The following WDR35 variants were observed in gnomAD, a reference collection of about 807,000 sequenced individuals.
WDR35 encodes the protein WD repeat domain 35, also known as WD repeat-containing protein 35.
WDR35 carries 118 observed loss-of-function variants against 158.3 expected under a neutral mutation model. The observed-to-expected ratio is 0.75, with a 90% CI of 0.64 to 0.87. The LOEUF (loss-of-function observed/expected upper bound fraction) is 0.87, where lower values mean the gene tolerates loss of function less well. Ranked by LOEUF, WDR35 falls within the 40% of genes least tolerant of loss-of-function variation. WDR35 has a pLI of 0.00. For synonymous variants in WDR35, 448 were observed against 476.1 expected (o/e 0.94, Z 0.77); for missense variants, 1,263 against 1,405.8 (o/e 0.90, Z 1.62).
chr2:19,937,798 C>G lies in WDR35; in HGVS notation c.2212G>C (p.Gly738Arg). 2.5e-6 allele frequency: 4 copies of G among 1,614,154 alleles called. 1 individual carries two copies. The South Asian group carries it at 4.4e-5, about 18-fold the overall frequency. Reference sequence around the variant, plus strand: ...GCCTCTTCAAACCTGCCGAAGTAGCCAACAACTTCAGCCTGTTTCATTGAC... The same window carrying G: ...GCCTCTTCAAACCTGCCGAAGTAGCGAACAACTTCAGCCTGTTTCATTGAC... ...SESMKQAEVV[G>R]YFGRFEEAER... The change falls in exon 19 of 27, where the codon GGC (glycine) becomes CGC (arginine). Residue 738 changes from glycine (G) to arginine (R), a missense_variant. Physicochemically the swap from Gly to Arg is moderately radical, Grantham distance 125 (BLOSUM62 -2). Transcript: ENST00000281405.
At position 19,939,171 on chromosome 2, in the gene WDR35, T is replaced by C. The variant is rs143802984; in HGVS notation, c.1927-770A>G. Among the ~76,000 whole-genome samples the C allele has an allele frequency of 3.4e-3, 516 of 152,198 alleles. 1 individual carries two copies. The highest frequency in any genetic ancestry group is 6.0e-3 in the Non-Finnish European group (406 of 67,998). On this transcript the variant is annotated intron_variant, in intron 17 of 26. Coordinates refer to ENST00000281405, the MANE Select transcript of WDR35 (RefSeq NM_020779.4). The stretch of plus-strand genomic sequence containing the variant: ...CAGCCAACTAAAAGATTAATCAAAA[T>C]TAAGAACTTACGTAAGGAGAAAATG...
At chr2:19,936,084 A>G (rs1275192436) in intron 20 of WDR35, 135 bp downstream of exon 20, 1 of 1,396,126 alleles carries the variant, frequency 7.2e-7, no homozygotes, top group African/African-American at 1.4e-5. Flanking sequence ...GCTTTCCAAG[A>G]TGAATCTAGA....
chr2:19,913,998 A>G lies in WDR35; in HGVS notation c.3362+39T>C, dbSNP rs199885540. On this transcript the variant is annotated intron_variant, in intron 26 of 26. Coordinates refer to ENST00000281405, the MANE Select transcript of WDR35 (RefSeq NM_020779.4). The stretch of plus-strand genomic sequence containing the variant: ...GTACATCTAGAAATCCAAGCTTCTA[A>G]TAAGATAGAATGGCATCCACTAATT... 15 of 1,612,054 alleles carry G rather than the reference A, an allele frequency of 9.3e-6. No individual in the cohort carries two copies. The East Asian group carries it at 3.1e-4, about 34-fold the overall frequency.
chr2:19,979,299 T>C (rs752997976), intron 4 of WDR35, among the ~76,000 whole-genome samples: 1 of 152,156 alleles, frequency 6.6e-6, no homozygotes, highest in Non-Finnish European at 1.5e-5. Context: ...ACTTTATACA[T>C]ATGCACATAA....
rs186800386 is a variant in WDR35 at position 19,950,997 on chromosome 2, G to C, written c.1470+418C>G. Among the ~76,000 whole-genome samples, 154 of 152,244 alleles carry C rather than the reference G, an allele frequency of 1.0e-3. 1 individual carries two copies. The South Asian group carries it at 0.011, about 11-fold the overall frequency. ...TTTACTGAAATAGCAAATTATATTA[G>C]TTTGTAAACAGAAGCATATTTTCAT... On this transcript the variant is annotated intron_variant, in intron 13 of 26. Coordinates refer to ENST00000281405, the MANE Select transcript of WDR35 (RefSeq NM_020779.4).
chr2:19,949,099 A>G (rs1360975124), intron 13 of WDR35, among the ~76,000 whole-genome samples: 2 of 152,214 alleles, frequency 1.3e-5, no homozygotes. Flanking sequence ...ACACTTACAT[A>G]AGATGACACC....
chr2:19,938,127 G>A (rs1359461385), intron 18 of WDR35, 138 bp downstream of exon 18: 2 of 1,426,284 alleles, frequency 1.4e-6, no homozygotes, highest in African/African-American at 2.9e-5. Flanking sequence ...AAATCTAAAT[G>A]AATTTCTACA....
Position 19,938,290 on chromosome 2 carries a change from C to T in WDR35, c.2038G>A (p.Glu680Lys). 6 of 1,614,000 alleles carry T rather than the reference C, an allele frequency of 3.7e-6. No individual in the cohort carries two copies. The highest frequency in any genetic ancestry group is 5.1e-6 in the Non-Finnish European group (6 of 1,179,996). ...VGIKDASQFIEDNPHPRLWRL... is the reference protein window; with the variant it reads ...VGIKDASQFIKDNPHPRLWRL... ...CAAAGTCGGGGGTGTGGATTGTCCT[C>T]TATGAACTGAGATGCATCTTTAATT... Residue 680 changes from glutamate (E) to lysine (K), a missense_variant, in exon 18 of 27, where the codon GAG becomes AAG. Glu to Lys is a moderately conservative substitution (Grantham distance 56, BLOSUM62 1). Coordinates refer to ENST00000281405, the MANE Select transcript of WDR35 (RefSeq NM_020779.4).
intron 11 of WDR35, among the ~76,000 whole-genome samples, chr2:19,956,772 C>T (rs1671453689): frequency 6.6e-6 from 1 of 151,868 alleles, no homozygotes; most frequent in African/African-American, 2.4e-5. Context: ...AGGCGCGCGC[C>T]ACCATGCCCG....
rs2103399882 is a variant in WDR35, at chr2:19,933,484, C to G, written c.2575G>C (p.Gly859Arg). ...GCAGTCACTGCTTGTTCACACATTC[C>G]AACTCTGACAAACATTTGTGCTATT... ...PEIAQMFVRV[G>R]MCEQAVTAFL... is the part of the protein sequence containing the mutation. Residue 859 changes from glycine to arginine, a missense_variant, in exon 22 of 27, where the codon GGA becomes CGA. Gly to Arg is a moderately radical substitution (Grantham distance 125). Transcript: ENST00000281405. The G allele has an allele frequency of 1.2e-6, 2 of 1,613,778 alleles. No homozygotes were observed. The highest frequency in any genetic ancestry group is 1.7e-6 in the Non-Finnish European group (2 of 1,179,930).
At position 19,946,504 on chromosome 2, in the gene WDR35, G is replaced by C. The variant is rs148242353; in HGVS notation, c.1591C>G (p.Leu531Val). The stretch of plus-strand genomic sequence containing the variant: ...GATAACTGGTAGGCTCGACAATTAA[G>C]GGAATATTTTTGAATCAAACCAACA... ...PNVGLIQKYS[L>V]NCRAYQLSLN... Residue 531 changes from leucine (L) to valine (V), a missense_variant, in exon 15 of 27, where the codon CTT (leucine) becomes GTT (valine). Physicochemically the swap from Leu to Val is conservative, Grantham distance 32 (BLOSUM62 1). Transcript: ENST00000281405. 612 of 1,613,652 alleles carry C rather than the reference G, an allele frequency of 3.8e-4. 1 individual carries two copies. The African/African-American group carries it at 7.0e-3, about 18-fold the overall frequency.
At chr2:19,970,381 A>G (rs1011506088) in intron 8 of WDR35, among the ~76,000 whole-genome samples, 3 of 151,816 alleles carry the variant, frequency 2.0e-5, no homozygotes, top group Admixed American at 6.6e-5. Context: ...ACTCCTTTCC[A>G]CTCTCTACAA....
intron 8 of WDR35, among the ~76,000 whole-genome samples, chr2:19,971,019 A>G (rs1369998381): frequency 3.9e-5 from 6 of 151,946 alleles, no homozygotes; most frequent in African/African-American, 1.5e-4. Flanking sequence ...CAATAAATAT[A>G]CATTCAAATT....
chr2:19,930,263 C>T lies in WDR35; in HGVS notation c.3121+133G>A, dbSNP rs559472901. On this transcript the variant is annotated intron_variant, in intron 25 of 26. Transcript: ENST00000281405. ...ACTTCAAAAATGGGAATGCATAAGA[C>T]TCAAACATAGGAAAATAAATCCATA... is the stretch of plus-strand genomic sequence containing the variant. 1,260 of 1,372,268 alleles carry T rather than the reference C, an allele frequency of 9.2e-4. 13 individuals are homozygous for T. Among genetic ancestry groups the T allele is most frequent in the Non-Finnish European group, 1.7e-4 (169 of 979,126 alleles). The allele number at this position is 1,372,268 out of a possible 1,614,324, so 85.0% of individuals were successfully genotyped here.
At chr2:19,938,452 T>C in intron 17 of WDR35, 51 bp from the exon 18 acceptor site, 3 of 1,593,714 alleles carry the variant, frequency 1.9e-6, no homozygotes, top group Non-Finnish European at 2.6e-6. Flanking sequence ...CGTTAGAGTA[T>C]GTGTTTCTTT....
intron 19 of WDR35, 28 bp from the exon 20 acceptor site, chr2:19,936,393 T>G: frequency 6.2e-7 from 1 of 1,613,652 alleles, no homozygotes; most frequent in Non-Finnish European, 8.5e-7. Flanking sequence ...CATTCATTCA[T>G]TCATCTATTT....
At chr2:19,964,540 C>G (rs1985054) in intron 10 of WDR35, among the ~76,000 whole-genome samples, 2 of 151,594 alleles carry the variant, frequency 1.3e-5, no homozygotes, top group African/African-American at 4.8e-5. Context: ...CACGCTGCCA[C>G]GCCCGGCTAA....
chr2:19,942,296 T>C (rs1055967726), intron 16 of WDR35, among the ~76,000 whole-genome samples: 1 of 152,182 alleles, frequency 6.6e-6, no homozygotes, highest in African/African-American at 2.4e-5. Context: ...ACTATATTTG[T>C]ATGTAAGCCC....
rs114983462 is a variant in WDR35 at position 19,944,739 on chromosome 2, T to G, written c.1845+1047A>C. ...CTTTAACAGAGCCTTTGAGAGCACT[T>G]TACATCAGGGCATTTTACATCCAAA... is the stretch of plus-strand genomic sequence containing the variant. On this transcript the variant is annotated intron_variant, in intron 16 of 26. Coordinates refer to ENST00000281405, the MANE Select transcript of WDR35 (RefSeq NM_020779.4). Among the ~76,000 whole-genome samples the G allele has an allele frequency of 3.2e-3, 492 of 152,176 alleles. 1 individual carries two copies. Among genetic ancestry groups the G allele is most frequent in the African/African-American group, 0.012 (479 of 41,534 alleles).
Sources: allele counts gnomAD v4.1 joint callset (sites outside exome capture counted in the v4.1 genomes callset), GRCh38; gene constraint gnomAD v4.1.1; transcripts MANE v1.5; gene names NCBI Gene and HGNC (gene_info 2026-07-23, HGNC 2026-07-21).